GNAL: variants seen among roughly 807,000 people sequenced by gnomAD.
GNAL encodes the protein G protein subunit alpha L, also known as guanine nucleotide-binding protein G(olf) subunit alpha.
In GNAL, 18 loss-of-function variants were observed where a neutral mutation model predicts 55.1. That is an observed-to-expected ratio of 0.33 (90% CI 0.23 to 0.48). GNAL has a LOEUF of 0.48. Among genes scored for constraint, GNAL ranks in the 20% least tolerant of loss-of-function variants. The pLI is 0.99. For missense variants in GNAL, 412 were observed against 614.1 expected (o/e 0.67, Z 3.48); for synonymous variants, 253 against 237.0 (o/e 1.07, Z -0.62).
At chr18:11,874,456 G>C (rs377535474) in intron 10 of GNAL, 18 of 134,898 alleles carry the variant, frequency 1.3e-4, no homozygotes, top group Admixed American at 6.3e-4. Context: ...TTAGCTGGGC[G>C]TGGTGGTGTG....
chr18:11,792,092 T>C (rs2034254001), intron 4 of GNAL, among the ~76,000 whole-genome samples: 1 of 152,200 alleles, frequency 6.6e-6, no homozygotes, highest in East Asian at 1.9e-4. Context: ...TTTTGGCCAC[T>C]TCCTGTGGCT....
In GNAL at chr18:11,885,566, T is replaced by C; in HGVS notation, c.*4431T>C. The C allele has an allele frequency of 7.4e-7, 1 of 1,344,280 alleles. No individual in the cohort carries two copies. Among genetic ancestry groups the C allele is most frequent in the South Asian group, 1.4e-5 (1 of 73,432 alleles). 83.3% of individuals were successfully genotyped at this position (1,344,280 alleles called of 1,614,324 possible). On this transcript the variant is annotated 3_prime_UTR_variant, in exon 12 of 12. Transcript: ENST00000334049. ...AGCTACGTGTAGAAGGAGAGAAATT[T>C]GTGTGTGGCTTTTGTAAATTTTGAC...
chr18:11,879,505 C>T (rs1270508812), intron 11 of GNAL, among the ~76,000 whole-genome samples: 3 of 152,188 alleles, frequency 2.0e-5, no homozygotes, highest in East Asian at 1.9e-4. Flanking sequence ...GGGGTCTTCC[C>T]TCGCACATGG....
intron 5 of GNAL, among the ~76,000 whole-genome samples, chr18:11,831,199 C>A (rs1017440378): frequency 6.6e-6 from 1 of 151,864 alleles, no homozygotes; most frequent in Admixed American, 6.6e-5. Context: ...GGGAAGAATC[C>A]AGGGCAGGAA....
chr18:11,814,094 G>GA (rs1229007881), intron 4 of GNAL, among the ~76,000 whole-genome samples: 3 of 151,220 alleles, frequency 2.0e-5, no homozygotes, highest in Non-Finnish European at 2.9e-5. Context: ...TAAACTTTAA[G>GA]AAAAAAAATG....
chr18:11,733,872 G>GAAAAA (rs10570693), intron 1 of GNAL, among the ~76,000 whole-genome samples: 8 of 98,722 alleles, frequency 8.1e-5, no homozygotes, highest in African/African-American at 2.7e-4. Flanking sequence ...GTCTATCACT[G>GAAAAA]AAAAAAAAAA....
chr18:11,725,404 G>A (rs2143419094), intron 1 of GNAL, among the ~76,000 whole-genome samples: 1 of 152,206 alleles, frequency 6.6e-6, no homozygotes, highest in Non-Finnish European at 1.5e-5. Flanking sequence ...CTGACACCCT[G>A]GCCTTGAACT....
At chr18:11,746,260 T>A (rs1356992990) in intron 1 of GNAL, 1 of 423,004 alleles carries the variant, frequency 2.4e-6, no homozygotes, top group East Asian at 5.8e-5. Context: ...TCTTCTCAGG[T>A]TTAGAGACAG....
At chr18:11,739,923 T>C (rs1395214473) in intron 1 of GNAL, among the ~76,000 whole-genome samples, 1 of 151,628 alleles carries the variant, frequency 6.6e-6, no homozygotes, top group Non-Finnish European at 1.5e-5. Flanking sequence ...CTCCTGCTCC[T>C]CGTTAAAACC....
intron 1 of GNAL, among the ~76,000 whole-genome samples, chr18:11,736,341 G>A (rs915322267): frequency 1.3e-4 from 20 of 152,176 alleles, no homozygotes; most frequent in Non-Finnish European, 2.9e-5. Flanking sequence ...GCTGCAATAA[G>A]CTATGATCAC....
intron 1 of GNAL, chr18:11,746,456 A>T (rs2032689544): frequency 8.1e-6 from 2 of 246,044 alleles, no homozygotes; most frequent in African/African-American, 2.3e-5. Flanking sequence ...CAGAAAATTT[A>T]AAAATTACCC....
chr18:11,714,958 TGG>T (rs1407222771), intron 1 of GNAL, among the ~76,000 whole-genome samples: 1 of 151,714 alleles, frequency 6.6e-6, no homozygotes, highest in Non-Finnish European at 1.5e-5. Flanking sequence ...CTGGGCAACA[TGG>T]TGAAACCCTG....
intron 4 of GNAL, 117 bp downstream of exon 4, chr18:11,754,062 G>A: frequency 1.3e-6 from 1 of 783,064 alleles, no homozygotes; most frequent in African/African-American, 1.7e-5. Flanking sequence ...TCGAAATCCA[G>A]CTCTCTAAAT....
chr18:11,825,373 T>G (rs1195248587), intron 5 of GNAL, among the ~76,000 whole-genome samples: 1 of 152,158 alleles, frequency 6.6e-6, no homozygotes, highest in Admixed American at 6.5e-5. Flanking sequence ...TATTTTAAAA[T>G]AATACGAACC....
rs1403357488 is a variant in GNAL at position 11,689,331 on chromosome 18, C to T, written c.-233C>T. On this transcript the variant is annotated 5_prime_UTR_variant, in exon 1 of 12. Transcript: ENST00000334049. ...CAAGGCGGCCGCCACCCCTTGCACA[C>T]AGCAGAAAATGCAAAATGACCCTCT... The T allele has an allele frequency of 1.8e-5, 6 of 332,522 alleles. No homozygotes were observed. The highest frequency in any genetic ancestry group is 3.3e-5 in the Non-Finnish European group (6 of 183,912). 20.6% of individuals were successfully genotyped at this position (332,522 alleles called of 1,614,324 possible).
chr18:11,870,406 A>G (rs1163088472), intron 9 of GNAL, among the ~76,000 whole-genome samples: 1 of 152,174 alleles, frequency 6.6e-6, no homozygotes, highest in Non-Finnish European at 1.5e-5. Flanking sequence ...CTGTAATCCC[A>G]GCTACTCGGG....
chr18:11,788,912 A>ATATATATATATATATATAT (rs1485147640), intron 4 of GNAL, among the ~76,000 whole-genome samples: 1 of 68,752 alleles, frequency 1.5e-5, no homozygotes, highest in Admixed American at 1.7e-4. Context: ...AAAAAAAAAA[A>ATATATATATATATATATAT]AAATATATAT....
intron 5 of GNAL, among the ~76,000 whole-genome samples, chr18:11,830,923 T>C (rs1416559079): frequency 6.6e-6 from 1 of 151,996 alleles, no homozygotes; most frequent in Non-Finnish European, 1.5e-5. Flanking sequence ...ATGACCAGAA[T>C]AGGTAAATCT....
intron 5 of GNAL, among the ~76,000 whole-genome samples, chr18:11,848,517 CGTG>C (rs1461400019): frequency 3.3e-5 from 5 of 150,096 alleles, no homozygotes; most frequent in African/African-American, 4.9e-5. Context: ...AGTGCACTGG[CGTG>C]ATCTCAGCTC....
Sources: gnomAD v4.1 joint callset for allele counts (sites outside exome capture counted in the v4.1 genomes callset) on GRCh38, gnomAD v4.1.1 for gene constraint, MANE v1.5 for transcripts, NCBI Gene and HGNC (gene_info 2026-07-23, HGNC 2026-07-21) for gene names.